The following SART1 variants were observed in gnomAD, a reference collection of about 807,000 sequenced individuals.
The protein encoded by SART1 is U4/U6.U5 tri-snRNP-associated protein 1.
Under a neutral mutation model 105.0 loss-of-function variants are expected in SART1, and 28 were observed. The ratio of observed to expected loss-of-function variants is 0.27; its 90% CI spans 0.20 to 0.37. The LOEUF is 0.37. SART1 is among the 10% of genes least tolerant of loss of function. The probability of loss-of-function intolerance (pLI) is 1.00; values close to 1 mark genes in which losing one functional copy is unlikely to be tolerated. For missense variants in SART1, 894 were observed against 1,106.5 expected (o/e 0.81, Z 2.72); for synonymous variants, 472 against 462.9 (o/e 1.02, Z -0.25).
chr11:65,967,286 G>T lies in SART1; in HGVS notation c.1216G>T (p.Val406Leu). The change falls in exon 10 of 20, where the codon GTG becomes TTG. Residue 406 changes from valine to leucine, a missense_variant. Val to Leu is a conservative substitution (Grantham distance 32). Coordinates refer to ENST00000312397, the MANE Select transcript of SART1 (RefSeq NM_005146.5). Reference sequence around the variant, plus strand: ...GACCTTTAAAAAGACCAAGCGGAGGGTGAAGAAAATCCGCAAGAAGGAGAA... The same window carrying T: ...GACCTTTAAAAAGACCAAGCGGAGGTTGAAGAAAATCCGCAAGAAGGAGAA... ...MVTFKKTKRR[V>L]KKIRKKEKEV... 1 of 1,614,126 alleles carries T rather than the reference G, an allele frequency of 6.2e-7. No homozygotes were observed.
chr11:65,967,846 A>G, intron 12 of SART1, 25 bp downstream of exon 12: 1 of 1,483,008 alleles, frequency 6.7e-7, no homozygotes, highest in Non-Finnish European at 9.0e-7. Context: ...GGGCAGGGTG[A>G]CTGCGTCAGC....
chr11:65,970,002 A>G (rs1422472365), intron 12 of SART1, among the ~76,000 whole-genome samples: 3 of 152,214 alleles, frequency 2.0e-5, no homozygotes, highest in Non-Finnish European at 2.9e-5. Flanking sequence ...AATTAGAGGC[A>G]TGAACCACCA....
chr11:65,962,600 G>C (rs1290234323), intron 1 of SART1, among the ~76,000 whole-genome samples: 2 of 152,242 alleles, frequency 1.3e-5, no homozygotes. Context: ...TGTAGTCTCT[G>C]TTAAGAACTG....
In SART1 at chr11:65,979,106, C is replaced by A. The variant is rs1467168638; in HGVS notation, c.*76C>A. 2.5e-6 allele frequency: 4 copies of A among 1,580,534 alleles called. No homozygotes were observed. The highest frequency in any genetic ancestry group is 3.5e-6 in the Non-Finnish European group (4 of 1,154,322). On this transcript the variant is annotated 3_prime_UTR_variant, in exon 20 of 20. Transcript: ENST00000312397. ...CCCTCCTTATTTTTTCCTCCCTGGT[C>A]GTGGTACAGATTCCAGGGTTGGATC...
chr11:65,979,551 G>C lies in SART1; in HGVS notation c.*521G>C, dbSNP rs1855550576. ...GTATTTGGTGCACGCGGTATGGGGA[G>C]GGCTGAGCTCAGTGCCTCCTGGGAG... On this transcript the variant is annotated 3_prime_UTR_variant, in exon 20 of 20. Coordinates refer to ENST00000312397, the MANE Select transcript of SART1 (RefSeq NM_005146.5). 6.1e-6 allele frequency: 1 copy of C among 163,032 alleles called. No homozygotes were observed. Among genetic ancestry groups the C allele is most frequent in the South Asian group, 1.7e-4 (1 of 5,788 alleles). The allele number at this position is 163,032 out of a possible 1,614,324, so 10.1% of individuals were successfully genotyped here.
rs1219007391 is a variant in SART1, at chr11:65,976,754, G to A, written c.1845G>A (p.Lys615=). 1.9e-6 allele frequency: 3 copies of A among 1,610,248 alleles called. No individual in the cohort carries two copies. Among genetic ancestry groups the A allele is most frequent in the Non-Finnish European group, 2.5e-6 (3 of 1,178,580 alleles). ...GWSTVNLDEE[K]QQQDFSASST... ...GCACGGTGAACCTGGACGAGGAGAAGCAGCAGCAGGATGTGAGGGCCGCGC... is the reference window on the plus strand; with the variant it reads ...GCACGGTGAACCTGGACGAGGAGAAACAGCAGCAGGATGTGAGGGCCGCGC... The change falls in exon 14 of 20, where the codon AAG becomes AAA. Residue 615 remains lysine (K), a synonymous_variant. Coordinates refer to ENST00000312397, the MANE Select transcript of SART1 (RefSeq NM_005146.5). This position sits in a 1 kb window ranked among gnomAD's most constrained non-coding sequence, Gnocchi z 5.1.
Position 65,967,706 on chromosome 11 carries a change from C to A in SART1, c.1457C>A (p.Ser486Tyr), listed in dbSNP as rs750809330. 1 of 1,561,638 alleles carries A rather than the reference C, an allele frequency of 6.4e-7. No individual in the cohort carries two copies. The highest frequency in any genetic ancestry group is 8.7e-7 in the Non-Finnish European group (1 of 1,152,796). The stretch of plus-strand genomic sequence containing the variant: ...GAAGGTGGAGCTCCACCGCCGGGGT[C>A]CCCGCAGGTGCTGGAGGAGGACGAG... ...EEEGGAPPPG[S>Y]PQVLEEDEAE... Residue 486 changes from serine (S) to tyrosine (Y), a missense_variant, in exon 12 of 20, where the codon TCC becomes TAC. Coordinates refer to ENST00000312397, the MANE Select transcript of SART1 (RefSeq NM_005146.5).
At chr11:65,972,581 C>T (rs1193163570) in intron 12 of SART1, among the ~76,000 whole-genome samples, 1 of 152,032 alleles carries the variant, frequency 6.6e-6, no homozygotes, top group Non-Finnish European at 1.5e-5. Context: ...CAAGACCACC[C>T]CCCCTACCAA....
rs951071503 is a variant in SART1 at position 65,979,974 on chromosome 11, G to A, written c.*944G>A. 3.3e-5 allele frequency: 5 copies of A among 152,200 alleles called. No individual in the cohort carries two copies. Among genetic ancestry groups the A allele is most frequent in the South Asian group, 2.1e-4 (1 of 4,824 alleles). The allele number at this position is 152,200 out of a possible 1,614,324, so 9.4% of individuals were successfully genotyped here. A position where few individuals can be genotyped will look rare whatever the true frequency, so the allele number is the denominator to read the frequency against. Reference sequence around the variant, plus strand: ...CCAAAAATACAAAGATTAGCCAGGCGTGGTGGTGAGCGCCTGTAGTCCCAG... The same window carrying A: ...CCAAAAATACAAAGATTAGCCAGGCATGGTGGTGAGCGCCTGTAGTCCCAG... On this transcript the variant is annotated 3_prime_UTR_variant, in exon 20 of 20. Transcript: ENST00000312397.
At chr11:65,977,684 G>A in intron 16 of SART1, 31 bp downstream of exon 16, 10 of 1,613,828 alleles carry the variant, frequency 6.2e-6, no homozygotes, top group Non-Finnish European at 8.5e-6. Flanking sequence ...GCAGGGCTGA[G>A]GGGCCTGTGC....
chr11:65,972,938 A>G (rs757810512), intron 12 of SART1, among the ~76,000 whole-genome samples: 4 of 152,190 alleles, frequency 2.6e-5, no homozygotes, highest in Non-Finnish European at 5.9e-5. Context: ...TTGGGAGGCC[A>G]AGGCGGGCGG....
chr11:65,969,480 C>T (rs932494874), intron 12 of SART1, among the ~76,000 whole-genome samples: 7 of 152,294 alleles, frequency 4.6e-5, no homozygotes, highest in African/African-American at 1.4e-4. Context: ...AACAAGGTCT[C>T]GCTCGGTTGC....
Position 65,966,157 on chromosome 11 carries a change from GGAA to G in SART1, c.928_930del (p.Lys310del), listed in dbSNP as rs775356602. On this transcript the variant is annotated inframe_deletion, in exon 8 of 20. Coordinates refer to ENST00000312397, the MANE Select transcript of SART1 (RefSeq NM_005146.5). Reference sequence around the variant, plus strand: ...CGGGCAGAGAAAAATGTGGAGCTGCGGAAGAAGAAGCCTGACTACCTGCCCTAT... The same window carrying G: ...CGGGCAGAGAAAAATGTGGAGCTGCGGAAGAAGCCTGACTACCTGCCCTAT... 18 of 1,614,046 alleles carry G rather than the reference GGAA, an allele frequency of 1.1e-5. No individual in the cohort carries two copies. Among genetic ancestry groups the G allele is most frequent in the Non-Finnish European group, 1.4e-5 (17 of 1,180,042 alleles).
chr11:65,964,282 G>C (rs1855204443), intron 2 of SART1, 151 bp downstream of exon 2: 1 of 869,854 alleles, frequency 1.1e-6, no homozygotes, highest in Admixed American at 2.0e-5. Flanking sequence ...TTATAGAAGA[G>C]AAAACTAAAA....
In SART1 at chr11:65,961,909, C is replaced by T. The variant is rs1402354717; in HGVS notation, c.129C>T (p.Gly43=). ...ACAAAAAACACAAGCACCGGAGTGG[C>T]GGCAGTGGCGGTAGCGGTGGCGAAC... ...REHKKHKHRS[G]GSGGSGGERR... is the part of the protein sequence containing the mutation. The change falls in exon 1 of 20, where the codon GGC becomes GGT. Residue 43 remains glycine, a synonymous_variant. Transcript: ENST00000312397. 4 of 1,538,900 alleles carry T rather than the reference C, an allele frequency of 2.6e-6. No individual in the cohort carries two copies. In the South Asian group the frequency reaches 4.7e-5, roughly 18 times the overall value.
In SART1 at chr11:65,966,119, G is replaced by A; in HGVS notation, c.882G>A (p.Leu294=). 2 of 1,614,022 alleles carry A rather than the reference G, an allele frequency of 1.2e-6. No homozygotes were observed. Among genetic ancestry groups the A allele is most frequent in the Middle Eastern group, 1.6e-4 (1 of 6,062 alleles). The change falls in exon 8 of 20, where the codon CTG becomes CTA. Residue 294 remains leucine, a synonymous_variant. Transcript: ENST00000312397. ...EEEDVLVNVN[L]VDKERAEKNV... Reference sequence around the variant, plus strand: ...AGGACGTGCTGGTGAACGTGAACCTGGTGGATAAGGAGCGGGCAGAGAAAA... The same window carrying A: ...AGGACGTGCTGGTGAACGTGAACCTAGTGGATAAGGAGCGGGCAGAGAAAA...
rs749937405 is a variant in SART1 at position 65,976,780 on chromosome 11, C to A, written c.1857+14C>A. 6.3e-7 allele frequency: 1 copy of A among 1,588,810 alleles called. No individual in the cohort carries two copies. Among genetic ancestry groups the A allele is most frequent in the Non-Finnish European group, 8.6e-7 (1 of 1,166,580 alleles). ...CAGCAGCAGGATGTGAGGGCCGCGCCGCTGGGGGGTGGGCGTTTGGGGGTG... is the reference window on the plus strand; with the variant it reads ...CAGCAGCAGGATGTGAGGGCCGCGCAGCTGGGGGGTGGGCGTTTGGGGGTG... On this transcript the variant is annotated intron_variant, in intron 14 of 19. Coordinates refer to ENST00000312397, the MANE Select transcript of SART1 (RefSeq NM_005146.5). The surrounding 1 kb of genome is among the most constrained non-coding windows in gnomAD (Gnocchi z 5.1).
chr11:65,965,148 C>T lies in SART1; in HGVS notation c.484C>T (p.Arg162Ter). 1.2e-6 allele frequency: 2 copies of T among 1,600,986 alleles called. No homozygotes were observed. Among genetic ancestry groups the T allele is most frequent in the Non-Finnish European group, 8.5e-7 (1 of 1,176,968 alleles). ...TGATGTCATCAACCCTATGGCCTTG[C>T]GACAGCGAGAGGAGCTGCGGGAGAA... is the stretch of plus-strand genomic sequence containing the variant. ...TADVINPMAL[R>*]QREELREKLA... Residue 162 changes from arginine to a stop codon, truncating the protein, a stop_gained, in exon 4 of 20, where the codon CGA becomes TGA. Transcript: ENST00000312397. LOFTEE classifies it high-confidence loss of function.
chr11:65,968,076 A>C (rs1855298617), intron 12 of SART1, among the ~76,000 whole-genome samples: 1 of 150,946 alleles, frequency 6.6e-6, no homozygotes, highest in South Asian at 2.1e-4. Context: ...CAGCCTCCTG[A>C]GTAGCTGGGA....
Sources: allele counts gnomAD v4.1 joint callset (sites outside exome capture counted in the v4.1 genomes callset), GRCh38; gene constraint gnomAD v4.1.1; non-coding constraint Gnocchi (gnomAD v3.1); transcripts MANE v1.5; gene names NCBI Gene and HGNC (gene_info 2026-07-23, HGNC 2026-07-21).